The following DLGAP2 variants were observed in gnomAD, a reference collection of about 807,000 sequenced individuals.
The protein encoded by DLGAP2 is disks large-associated protein 2.
In DLGAP2, 26 loss-of-function variants were observed where a neutral mutation model predicts 100.3. The ratio of observed to expected loss-of-function variants is 0.26; its 90% CI spans 0.19 to 0.36. The LOEUF is 0.36. Ranked by LOEUF, DLGAP2 falls within the 10% of genes least tolerant of loss-of-function variation. The probability of loss-of-function intolerance (pLI) is 1.00; values close to 1 mark genes in which losing one functional copy is unlikely to be tolerated. For synonymous variants in DLGAP2, 886 were observed against 630.1 expected (o/e 1.41, Z -6.08); for missense variants, 1,858 against 1,453.2 (o/e 1.28, Z -4.53).
intron 2 of DLGAP2, among the ~76,000 whole-genome samples, chr8:1,196,260 T>C (rs1797747359): frequency 6.6e-6 from 1 of 152,230 alleles, no homozygotes; most frequent in Non-Finnish European, 1.5e-5. Context: ...TGTGTGTAAA[T>C]GCATCTGCAT....
At chr8:1,087,132 T>G (rs1803999809) in intron 2 of DLGAP2, among the ~76,000 whole-genome samples, 1 of 152,140 alleles carries the variant, frequency 6.6e-6, no homozygotes, top group Non-Finnish European at 1.5e-5. Context: ...ATAAAAAAGT[T>G]AAACAATGTG....
chr8:1,345,783 C>T (rs900037761), intron 3 of DLGAP2, among the ~76,000 whole-genome samples: 6 of 152,126 alleles, frequency 3.9e-5, no homozygotes, highest in African/African-American at 7.2e-5. Context: ...TTTCTTTGAT[C>T]AGTGTAATGA....
At chr8:901,920 A>G (rs1798259560) in intron 1 of DLGAP2, among the ~76,000 whole-genome samples, 1 of 152,106 alleles carries the variant, frequency 6.6e-6, no homozygotes, top group South Asian at 2.1e-4. Flanking sequence ...CTCAGTTTGG[A>G]TCCTCCGGGA....
At chr8:1,609,638 A>G (rs1160403577) in intron 6 of DLGAP2, among the ~76,000 whole-genome samples, 2 of 119,506 alleles carry the variant, frequency 1.7e-5, no homozygotes, top group Non-Finnish European at 3.7e-5. Context: ...GTATTCAGGA[A>G]ACCCATCTCA....
At chr8:1,490,984 C>A (rs535368337) in intron 3 of DLGAP2, among the ~76,000 whole-genome samples, 28 of 146,140 alleles carry the variant, frequency 1.9e-4, no homozygotes, top group African/African-American at 6.2e-4. Context: ...TGTAACAAAC[C>A]TGCACATTGT....
intron 2 of DLGAP2, among the ~76,000 whole-genome samples, chr8:1,167,534 G>T (rs1028596701): frequency 6.6e-6 from 1 of 152,210 alleles, no homozygotes; most frequent in African/African-American, 2.4e-5. Context: ...GGGGATCTTA[G>T]TCATGAACTG....
intron 2 of DLGAP2, among the ~76,000 whole-genome samples, chr8:1,039,691 G>A (rs577023205): frequency 3.1e-5 from 4 of 127,186 alleles, no homozygotes; most frequent in Admixed American, 8.0e-5. Context: ...TGGTCAGCTC[G>A]GTGTGCGTGG....
intron 1 of DLGAP2, among the ~76,000 whole-genome samples, chr8:838,942 G>A (rs1311158876): frequency 6.6e-6 from 1 of 152,202 alleles, no homozygotes; most frequent in Non-Finnish European, 1.5e-5. Context: ...GTAAGCAGAA[G>A]TTCATCACAG....
rs7829019 is a variant in DLGAP2, at chr8:1,624,481, C to T, written c.1443-2259C>T. ...CGTGGACACATTCAAAGGAAGCCAG[C>T]AGTGGTCTCTTACAGAATGAGTCCA... On this transcript the variant is annotated intron_variant, in intron 6 of 14. Transcript: ENST00000637795. 3.9e-3 allele frequency among the ~76,000 whole-genome samples: 586 copies of T among 152,010 alleles called. 4 individuals are homozygous for T. Among genetic ancestry groups the T allele is most frequent in the African/African-American group, 0.014 (569 of 41,470 alleles).
chr8:1,158,880 C>T (rs79324562), intron 2 of DLGAP2, among the ~76,000 whole-genome samples: 1,771 of 152,312 alleles, frequency 0.012, 29 homozygotes, highest in African/African-American at 0.041. Flanking sequence ...TTCCAAAGGA[C>T]ATGCTTAGAG....
chr8:1,251,258 A>T (rs764386428), intron 2 of DLGAP2, among the ~76,000 whole-genome samples: 1 of 152,298 alleles, frequency 6.6e-6, no homozygotes, highest in East Asian at 1.9e-4. Context: ...AATATTATCA[A>T]TGACTATCTC....
In DLGAP2 at chr8:1,060,084, G is replaced by A. The variant is rs149509713; in HGVS notation, c.73+152118G>A. On this transcript the variant is annotated intron_variant, in intron 2 of 14. Transcript: ENST00000637795. ...CTGGGGCTTCAAGTTCCTCCACAGG[G>A]TCAGATGCGAACTGTTCCCAGGGTC... Among the ~76,000 whole-genome samples, 720 of 152,284 alleles carry A rather than the reference G, an allele frequency of 4.7e-3. 7 individuals carry two copies. The highest frequency in any genetic ancestry group is 9.0e-3 in the Admixed American group (137 of 15,304).
rs1013250808 is a variant in DLGAP2 at position 1,702,307 on chromosome 8, A to G, written c.*901A>G. The G allele has an allele frequency of 1.3e-5, 2 of 152,044 alleles. No individual in the cohort carries two copies. Among genetic ancestry groups the G allele is most frequent in the African/African-American group, 4.9e-5 (2 of 41,198 alleles). 9.4% of individuals were successfully genotyped at this position (152,044 alleles called of 1,614,324 possible). A position where few individuals can be genotyped will look rare whatever the true frequency, so the allele number is the denominator to read the frequency against. On this transcript the variant is annotated 3_prime_UTR_variant, in exon 15 of 15. Transcript: ENST00000637795. ...ACGCTACATGTGATTTTTTTAATGT[A>G]TGTATATATATATATTCTCAAATTG...
At chr8:1,664,530 A>G (rs1194462208) in intron 8 of DLGAP2, among the ~76,000 whole-genome samples, 2 of 152,132 alleles carry the variant, frequency 1.3e-5, no homozygotes, top group African/African-American at 4.8e-5. Flanking sequence ...GAAATCAGCG[A>G]ATCTTACAAT....
At chr8:1,247,716 A>G (rs368302043) in intron 2 of DLGAP2, among the ~76,000 whole-genome samples, 2 of 570 alleles carry the variant, frequency 3.5e-3, no homozygotes, top group Non-Finnish European at 8.0e-3. Context: ...GTGTGGGAGT[A>G]ATGGCCCATG....
chr8:1,659,610 CT>C (rs546644077), intron 8 of DLGAP2, among the ~76,000 whole-genome samples: 4 of 152,220 alleles, frequency 2.6e-5, no homozygotes, highest in Non-Finnish European at 5.9e-5. Context: ...CCTTCTTTGT[CT>C]TTTTTTATCT....
At chr8:1,590,063 G>T (rs531905078) in intron 6 of DLGAP2, among the ~76,000 whole-genome samples, 1 of 152,310 alleles carries the variant, frequency 6.6e-6, no homozygotes, top group South Asian at 2.1e-4. Flanking sequence ...TTCCGCCTCA[G>T]TGTCCGTGGC....
chr8:1,689,557 G>A (rs1237502570), intron 12 of DLGAP2, among the ~76,000 whole-genome samples: 1 of 152,172 alleles, frequency 6.6e-6, no homozygotes, highest in Non-Finnish European at 1.5e-5. Flanking sequence ...GAAAGGGCTG[G>A]GCTAGTTAAA....
intron 1 of DLGAP2, among the ~76,000 whole-genome samples, chr8:907,361 A>G (rs548943184): frequency 3.9e-4 from 59 of 152,328 alleles, no homozygotes; most frequent in African/African-American, 1.1e-3. Context: ...TGGGAAAGCC[A>G]TTCTCTGTTA....
Sources: gnomAD v4.1 joint callset for allele counts (sites outside exome capture counted in the v4.1 genomes callset) on GRCh38, gnomAD v4.1.1 for gene constraint, MANE v1.5 for transcripts, NCBI Gene and HGNC (gene_info 2026-07-23, HGNC 2026-07-21) for gene names.